Variants in CLEC16A observed in about 807,000 individuals in gnomAD.
CLEC16A encodes the protein protein CLEC16A.
A neutral mutation model predicts 109.5 loss-of-function variants in CLEC16A; 51 were observed. That is an observed-to-expected ratio of 0.47 (90% CI 0.37 to 0.59). The LOEUF is 0.59. CLEC16A is among the 20% of genes least tolerant of loss of function. The pLI is 0.00. For synonymous variants in CLEC16A, 673 were observed against 564.2 expected, an observed-to-expected ratio of 1.19 and a Z score of -2.73; for missense variants, 1,339 against 1,394.0, an observed-to-expected ratio of 0.96 and a Z score of 0.63.
intron 20 of CLEC16A, 82 bp from the exon 21 acceptor site, chr16:11,123,660 A>T: frequency 1.5e-6 from 2 of 1,323,694 alleles, no homozygotes; most frequent in South Asian, 1.2e-5. Context: ...ACCTCTTTCT[A>T]GATGCCTCAT....
chr16:11,127,456 T>C (rs150347910), intron 22 of CLEC16A, among the ~76,000 whole-genome samples: 3 of 152,296 alleles, frequency 2.0e-5, no homozygotes, highest in Non-Finnish European at 4.4e-5. Flanking sequence ...TTCCTAGCAG[T>C]GAATTTGCCA....
At chr16:11,118,312 A>G (rs1048949710) in intron 19 of CLEC16A, among the ~76,000 whole-genome samples, 6 of 152,170 alleles carry the variant, frequency 3.9e-5, no homozygotes, top group African/African-American at 1.4e-4. Context: ...CCTATGCACA[A>G]GACCCCATGC....
intron 17 of CLEC16A, among the ~76,000 whole-genome samples, chr16:11,050,278 C>T (rs2047869788): frequency 6.6e-6 from 1 of 152,212 alleles, no homozygotes; most frequent in African/African-American, 2.4e-5. Flanking sequence ...TTAGGCCCTA[C>T]CTCTCAGCAC....
At chr16:10,974,512 C>T (rs1596826611) in intron 7 of CLEC16A, among the ~76,000 whole-genome samples, 1 of 152,178 alleles carries the variant, frequency 6.6e-6, no homozygotes, top group South Asian at 2.1e-4. Context: ...TCGCCAGCCT[C>T]TCTACCTGCT....
chr16:11,051,863 G>A (rs2047960496), intron 18 of CLEC16A, among the ~76,000 whole-genome samples: 1 of 152,386 alleles, frequency 6.6e-6, no homozygotes. Flanking sequence ...GGCACCCAGT[G>A]TTGGCTGCAG....
At chr16:11,100,200 C>A (rs1224084866) in intron 19 of CLEC16A, among the ~76,000 whole-genome samples, 1 of 152,206 alleles carries the variant, frequency 6.6e-6, no homozygotes, top group Non-Finnish European at 1.5e-5. Flanking sequence ...CATTCCTTAA[C>A]AGGGAGGTAA....
chr16:11,135,439 C>A (rs968954626), intron 22 of CLEC16A, among the ~76,000 whole-genome samples: 20 of 152,210 alleles, frequency 1.3e-4, no homozygotes, highest in African/African-American at 4.8e-4. Context: ...TCATGGGGAG[C>A]CCTCTCTCGC....
chr16:11,110,435 G>C (rs189212488), intron 19 of CLEC16A, among the ~76,000 whole-genome samples: 4 of 152,252 alleles, frequency 2.6e-5, no homozygotes, highest in Admixed American at 2.0e-4. Context: ...TGCAGAGCCC[G>C]GGGGGCCTGT....
chr16:11,086,600 T>C (rs1209849535), intron 19 of CLEC16A, among the ~76,000 whole-genome samples: 3 of 152,142 alleles, frequency 2.0e-5, no homozygotes. Flanking sequence ...TGGAGTGCAG[T>C]GTCGCTATCT....
In CLEC16A at chr16:11,020,343, C is replaced by A. The variant is rs772546016; in HGVS notation, c.1436+18C>A. 3.8e-6 allele frequency: 6 copies of A among 1,593,500 alleles called. No individual in the cohort carries two copies. The highest frequency in any genetic ancestry group is 5.1e-6 in the Non-Finnish European group (6 of 1,170,202). On this transcript the variant is annotated intron_variant, in intron 12 of 23. Transcript: ENST00000409790. ...TGGAGCAGGTAGCTGCCCGAGAGGT[C>A]GATGCTGAGTGCTCTCTCAGGGAAG...
chr16:11,102,494 A>G (rs2050977124), intron 19 of CLEC16A, among the ~76,000 whole-genome samples: 1 of 152,258 alleles, frequency 6.6e-6, no homozygotes, highest in Admixed American at 6.5e-5. Flanking sequence ...TGTGCCGGTA[A>G]GCATTCACTC....
intron 22 of CLEC16A, among the ~76,000 whole-genome samples, chr16:11,161,897 G>A (rs1317093679): frequency 6.6e-6 from 1 of 152,194 alleles, no homozygotes; most frequent in African/African-American, 2.4e-5. Context: ...CCCCTAGGCG[G>A]CTGCTGGCCG....
At chr16:11,059,803 A>G (rs1361035558) in intron 18 of CLEC16A, among the ~76,000 whole-genome samples, 2 of 152,164 alleles carry the variant, frequency 1.3e-5, no homozygotes, top group East Asian at 1.9e-4. Flanking sequence ...GCGAGCTATC[A>G]TGCCCATTTT....
At chr16:11,093,690 G>A (rs2050443764) in intron 19 of CLEC16A, among the ~76,000 whole-genome samples, 1 of 152,206 alleles carries the variant, frequency 6.6e-6, no homozygotes, top group South Asian at 2.1e-4. Flanking sequence ...GAAGAGGGCA[G>A]GGCGTGTACA....
chr16:11,058,876 T>G (rs1255780438), intron 18 of CLEC16A, among the ~76,000 whole-genome samples: 1 of 152,218 alleles, frequency 6.6e-6, no homozygotes, highest in Non-Finnish European at 1.5e-5. Context: ...TCTCCTTGAC[T>G]TGGACCTGGC....
intron 20 of CLEC16A, among the ~76,000 whole-genome samples, chr16:11,121,462 A>G (rs181627429): frequency 9.4e-4 from 143 of 152,334 alleles, no homozygotes; most frequent in Non-Finnish European, 1.5e-3. Context: ...GATTGTTGCC[A>G]CTGGCATTTT....
intron 22 of CLEC16A, chr16:11,126,657 C>A (rs2052844155): frequency 4.9e-6 from 1 of 204,350 alleles, no homozygotes; most frequent in Non-Finnish European, 9.8e-6. Flanking sequence ...TCCGCTCCTC[C>A]CAAAACAGAA....
chr16:11,106,736 C>G (rs1456467277), intron 19 of CLEC16A, among the ~76,000 whole-genome samples: 1 of 151,946 alleles, frequency 6.6e-6, no homozygotes, highest in Non-Finnish European at 1.5e-5. Flanking sequence ...AATTGCAGGC[C>G]TCAGTACCCT....
At chr16:11,119,852 T>G (rs1174621768) in intron 19 of CLEC16A, among the ~76,000 whole-genome samples, 1 of 152,222 alleles carries the variant, frequency 6.6e-6, no homozygotes, top group Non-Finnish European at 1.5e-5. Context: ...CATGGTCACT[T>G]TAACGATATC....
Sources: allele counts gnomAD v4.1 joint callset (sites outside exome capture counted in the v4.1 genomes callset), GRCh38; gene constraint gnomAD v4.1.1; transcripts MANE v1.5; gene names NCBI Gene and HGNC (gene_info 2026-07-23, HGNC 2026-07-21).